LRRC4C: variants seen among roughly 807,000 people sequenced by gnomAD.
LRRC4C encodes leucine rich repeat containing 4C.
Under a neutral mutation model 33.6 loss-of-function variants are expected in LRRC4C, and 5 were observed. The ratio of observed to expected loss-of-function variants is 0.15; its 90% CI spans 0.08 to 0.31. LRRC4C has a LOEUF of 0.31. Ranked by LOEUF, LRRC4C falls within the 10% of genes least tolerant of loss-of-function variation. The probability of loss-of-function intolerance (pLI) is 1.00; values close to 1 mark genes in which losing one functional copy is unlikely to be tolerated. For synonymous variants in LRRC4C, 329 were observed against 302.0 expected (o/e 1.09, Z -0.93); for missense variants, 560 against 796.7 (o/e 0.70, Z 3.58).
rs975080939 is a variant in LRRC4C at position 40,547,507 on chromosome 11, T to A, written c.-270+100635A>T. Among the ~76,000 whole-genome samples, 15 of 152,108 alleles carry A rather than the reference T, an allele frequency of 9.9e-5. No individual in the cohort carries two copies. The East Asian group carries it at 2.7e-3, about 27-fold the overall frequency. ...TGACCCGTTTCATTTTACCACCACC[T>A]GGTGCCTGGTACCCTAAATTTTTTA... On this transcript the variant is annotated intron_variant, in intron 3 of 6. Transcript: ENST00000528697.
At chr11:41,294,160 T>C (rs183535575) in intron 1 of LRRC4C, among the ~76,000 whole-genome samples, 1 of 152,198 alleles carries the variant, frequency 6.6e-6, no homozygotes, top group Non-Finnish European at 1.5e-5. Context: ...TCTGGGATCA[T>C]GCTCAAGTAT....
At chr11:40,757,631 C>T (rs1949018207) in intron 2 of LRRC4C, among the ~76,000 whole-genome samples, 1 of 146,996 alleles carries the variant, frequency 6.8e-6, no homozygotes, top group Non-Finnish European at 1.5e-5. Flanking sequence ...TTTTTCTCAG[C>T]AAGCTGTTGT....
At chr11:40,691,547 G>A (rs1487859781) in intron 2 of LRRC4C, among the ~76,000 whole-genome samples, 40 of 151,992 alleles carry the variant, frequency 2.6e-4, no homozygotes, top group Admixed American at 2.3e-3. Flanking sequence ...ACTACATACC[G>A]GTGTACAAGG....
intron 1 of LRRC4C, among the ~76,000 whole-genome samples, chr11:40,968,872 A>G (rs1307063822): frequency 6.6e-6 from 1 of 152,154 alleles, no homozygotes; most frequent in Non-Finnish European, 1.5e-5. Flanking sequence ...GTGTCTCCTA[A>G]CACAACATTC....
Position 41,401,562 on chromosome 11 carries a change from T to A in LRRC4C, c.-496+57869A>T, listed in dbSNP as rs74735549. On this transcript the variant is annotated intron_variant, in intron 1 of 6. Coordinates refer to ENST00000528697, the MANE Select transcript of LRRC4C (RefSeq NM_001258419.2). ...AAGTAGCAATGCAATAGGCCAGTCA[T>A]GGGGCGGACAAAGGATTTAACTGGC... is the stretch of plus-strand genomic sequence containing the variant. Among the ~76,000 whole-genome samples, 388 of 151,888 alleles carry A rather than the reference T, an allele frequency of 2.6e-3. 4 individuals are homozygous for A. Among genetic ancestry groups the A allele is most frequent in the African/African-American group, 9.1e-3 (377 of 41,494 alleles).
At chr11:40,278,816 A>G (rs1486230445) in intron 4 of LRRC4C, among the ~76,000 whole-genome samples, 4 of 152,142 alleles carry the variant, frequency 2.6e-5, no homozygotes, top group Non-Finnish European at 5.9e-5. Context: ...TCTCCAGCAC[A>G]TAATTCCTGT....
rs999627416 is a variant in LRRC4C, at chr11:40,984,440, A to G, written c.-495-50717T>C. On this transcript the variant is annotated intron_variant, in intron 1 of 6. Transcript: ENST00000528697. ...GAGAAAGAAAGAAAGAGAAAAAGAA[A>G]GAAAGAAAGACAGACAGACATGACA... 3.9e-5 allele frequency among the ~76,000 whole-genome samples: 6 copies of G among 152,014 alleles called. No homozygotes were observed. The East Asian group carries it at 1.2e-3, about 29-fold the overall frequency.
intron 3 of LRRC4C, among the ~76,000 whole-genome samples, chr11:40,629,545 C>A (rs1432629084): frequency 6.6e-6 from 1 of 152,168 alleles, no homozygotes; most frequent in East Asian, 1.9e-4. Flanking sequence ...CACACTAGAA[C>A]ATGTGCTTCA....
At chr11:41,437,299 G>A (rs1189092283) in intron 1 of LRRC4C, among the ~76,000 whole-genome samples, 1 of 152,160 alleles carries the variant, frequency 6.6e-6, no homozygotes, top group African/African-American at 2.4e-5. Context: ...TAGTCTCTCT[G>A]AAATCTTGCT....
chr11:40,347,570 T>C (rs543544098), intron 3 of LRRC4C, among the ~76,000 whole-genome samples: 14 of 152,318 alleles, frequency 9.2e-5, no homozygotes, highest in African/African-American at 3.4e-4. Flanking sequence ...CGATTTAATG[T>C]GAGAGATGTG....
At chr11:40,369,543 G>A (rs1008626833) in intron 3 of LRRC4C, among the ~76,000 whole-genome samples, 1 of 152,152 alleles carries the variant, frequency 6.6e-6, no homozygotes, top group African/African-American at 2.4e-5. Context: ...TCTTCATCTT[G>A]GTCAGGCTGG....
At chr11:40,535,549 A>G (rs1956436651) in intron 3 of LRRC4C, among the ~76,000 whole-genome samples, 2 of 152,358 alleles carry the variant, frequency 1.3e-5, no homozygotes, top group South Asian at 2.1e-4. Flanking sequence ...CAGCAACACC[A>G]TGATCTTCTC....
chr11:41,440,537 A>G (rs1562406), intron 1 of LRRC4C, among the ~76,000 whole-genome samples: 8,103 of 152,230 alleles, frequency 0.053, 262 homozygotes, highest in East Asian at 0.13. Flanking sequence ...GTAACACACT[A>G]CATATGTTTT....
At chr11:41,102,199 C>T (rs1941231750) in intron 1 of LRRC4C, among the ~76,000 whole-genome samples, 1 of 151,904 alleles carries the variant, frequency 6.6e-6, no homozygotes, top group South Asian at 2.1e-4. Context: ...GAAGAAGAAA[C>T]TTAACGTTAT....
intron 1 of LRRC4C, among the ~76,000 whole-genome samples, chr11:41,359,521 TG>T (rs1952277272): frequency 6.6e-6 from 1 of 152,140 alleles, no homozygotes; most frequent in African/African-American, 2.4e-5. Flanking sequence ...AATAAGTGTT[TG>T]TTTTTTTTGT....
chr11:41,422,872 G>A (rs1435705892), intron 1 of LRRC4C, among the ~76,000 whole-genome samples: 2 of 151,994 alleles, frequency 1.3e-5, no homozygotes, highest in Non-Finnish European at 1.5e-5. Context: ...GAGACGCACT[G>A]AATTAGCAGC....
At chr11:41,131,104 A>C (rs1315174683) in intron 1 of LRRC4C, among the ~76,000 whole-genome samples, 5 of 152,050 alleles carry the variant, frequency 3.3e-5, no homozygotes, top group Admixed American at 2.0e-4. Context: ...CAAACATTGG[A>C]TCAAGTGGTG....
intron 6 of LRRC4C, among the ~76,000 whole-genome samples, chr11:40,117,961 T>C (rs1001846478): frequency 4.6e-5 from 7 of 150,836 alleles, no homozygotes; most frequent in Non-Finnish European, 7.4e-5. Flanking sequence ...ATGTTAGATA[T>C]GATTATATGA....
chr11:40,232,335 A>G (rs1041851029), intron 5 of LRRC4C, among the ~76,000 whole-genome samples: 2 of 152,148 alleles, frequency 1.3e-5, no homozygotes, highest in Non-Finnish European at 1.5e-5. Flanking sequence ...CTCTCTTCAC[A>G]TAATGCAAAT....
Sources: gnomAD v4.1 joint callset for allele counts (sites outside exome capture counted in the v4.1 genomes callset) on GRCh38, gnomAD v4.1.1 for gene constraint, MANE v1.5 for transcripts, NCBI Gene and HGNC (gene_info 2026-07-23, HGNC 2026-07-21) for gene names.